TLE4: variants seen among roughly 807,000 people sequenced by gnomAD.
The protein encoded by TLE4 is transducin-like enhancer protein 4.
A neutral mutation model predicts 92.8 loss-of-function variants in TLE4; 8 were observed. The observed-to-expected ratio is 0.09, with a 90% CI of 0.05 to 0.16. TLE4 has a LOEUF of 0.16. TLE4 is among the 10% of genes least tolerant of loss of function. The pLI is 1.00. For synonymous variants in TLE4, 371 were observed against 374.1 expected (o/e 0.99, Z 0.10); for missense variants, 675 against 997.6 (o/e 0.68, Z 4.36).
In TLE4 at chr9:79,703,356, G is replaced by A. The variant is rs113822364; in HGVS notation, c.610-1427G>A. On this transcript the variant is annotated intron_variant, in intron 8 of 19. Transcript: ENST00000376552. ...TTGCCATTCACCACTCAGCAGCATA[G>A]CGCAGCCCTCAGTCCAGCTCCCGCT... Among the ~76,000 whole-genome samples the A allele has an allele frequency of 3.7e-3, 570 of 152,282 alleles. 7 individuals are homozygous for A. The highest frequency in any genetic ancestry group is 0.013 in the African/African-American group (527 of 41,556).
chr9:79,704,745 T>C (rs1196027594), intron 8 of TLE4, 38 bp from the exon 9 acceptor site: 3 of 1,589,350 alleles, frequency 1.9e-6, no homozygotes, highest in African/African-American at 1.4e-5. Flanking sequence ...AAATAGATGA[T>C]AATTTCTCAA....
intron 4 of TLE4, among the ~76,000 whole-genome samples, chr9:79,609,022 A>G (rs1369530271): frequency 6.6e-6 from 1 of 152,102 alleles, no homozygotes; most frequent in Non-Finnish European, 1.5e-5. Context: ...AAAATTTGTT[A>G]TGTGATAAAG....
At chr9:79,698,160 G>A (rs926559289) in intron 8 of TLE4, among the ~76,000 whole-genome samples, 2 of 152,180 alleles carry the variant, frequency 1.3e-5, no homozygotes, top group African/African-American at 4.8e-5. Context: ...GAAGCTTAAA[G>A]AGGTTCATGA....
intron 4 of TLE4, among the ~76,000 whole-genome samples, chr9:79,586,312 A>G (rs769455039): frequency 1.3e-5 from 2 of 152,034 alleles, no homozygotes; most frequent in Non-Finnish European, 2.9e-5. Context: ...GCGGTGAGCC[A>G]AGATCGCGCC....
chr9:79,605,787 C>G (rs894772634), intron 4 of TLE4, among the ~76,000 whole-genome samples: 1 of 152,134 alleles, frequency 6.6e-6, no homozygotes, highest in African/African-American at 2.4e-5. Flanking sequence ...ATCCAGTTAA[C>G]TGAGCCGCAC....
intron 8 of TLE4, among the ~76,000 whole-genome samples, chr9:79,701,383 G>A (rs1266814242): frequency 6.6e-6 from 1 of 152,144 alleles, no homozygotes; most frequent in Non-Finnish European, 1.5e-5. Context: ...AAAGTATTTG[G>A]TTGTACATAT....
intron 8 of TLE4, among the ~76,000 whole-genome samples, chr9:79,683,887 G>T (rs758527127): frequency 6.6e-6 from 1 of 152,176 alleles, no homozygotes; most frequent in Non-Finnish European, 1.5e-5. Flanking sequence ...ATGATGAAAC[G>T]TGCAGAAATG....
intron 16 of TLE4, 126 bp downstream of exon 16, chr9:79,720,419 TGTGTGTAAA>T: frequency 2.7e-6 from 3 of 1,124,644 alleles, no homozygotes; most frequent in South Asian, 2.2e-5. Flanking sequence ...TGTGTGTGTG[TGTGTGTAAA>T]GTGATATAAT....
chr9:79,718,706 C>G lies in TLE4; in HGVS notation c.1341-16C>G. 1 of 1,587,028 alleles carries G rather than the reference C, an allele frequency of 6.3e-7. No homozygotes were observed. The highest frequency in any genetic ancestry group is 1.1e-5 in the South Asian group (1 of 88,998). Reference sequence around the variant, plus strand: ...TTTACATTCCCCTCTTTCTTTTTTCCTCTCCATTGCCTTAGAGCATACTCC... The same window carrying G: ...TTTACATTCCCCTCTTTCTTTTTTCGTCTCCATTGCCTTAGAGCATACTCC... On this transcript the variant is annotated splice_polypyrimidine_tract_variant and intron_variant, in intron 14 of 19. Transcript: ENST00000376552.
Position 79,705,462 on chromosome 9 carries a change from A to G in TLE4, c.730-427A>G, listed in dbSNP as rs904488338. ...TGCTCTGCTTCCCTGCTGGTGTCCT[A>G]CAGGGCCGCAGGCCTCATGAAAAGC... On this transcript the variant is annotated intron_variant, in intron 9 of 19. Coordinates refer to ENST00000376552, the MANE Select transcript of TLE4 (RefSeq NM_007005.6). Among the ~76,000 whole-genome samples the G allele has an allele frequency of 2.6e-5, 4 of 152,310 alleles. No individual in the cohort carries two copies. In the East Asian group the frequency reaches 5.8e-4, roughly 22 times the overall value.
chr9:79,624,951 AC>A, intron 5 of TLE4, among the ~76,000 whole-genome samples: 1 of 151,108 alleles, frequency 6.6e-6, no homozygotes, highest in African/African-American at 2.4e-5. Flanking sequence ...GTTGGATGTG[AC>A]TTAAGTGTGG....
chr9:79,577,828 A>G (rs1336048096), intron 4 of TLE4, among the ~76,000 whole-genome samples: 3 of 152,164 alleles, frequency 2.0e-5, no homozygotes, highest in East Asian at 1.9e-4. Context: ...TCTAAGAGGC[A>G]CATAGCTTGT....
intron 6 of TLE4, among the ~76,000 whole-genome samples, chr9:79,643,798 G>A (rs970784165): frequency 2.6e-5 from 4 of 152,156 alleles, no homozygotes; most frequent in South Asian, 2.1e-4. Context: ...TTGTAATATC[G>A]ATGGTTGAGT....
chr9:79,657,297 C>T (rs978528203), intron 8 of TLE4, among the ~76,000 whole-genome samples: 2 of 152,154 alleles, frequency 1.3e-5, no homozygotes, highest in Non-Finnish European at 2.9e-5. Context: ...GGCAGAAAGC[C>T]CAAATTTATC....
At chr9:79,689,510 C>T (rs1414439805) in intron 8 of TLE4, among the ~76,000 whole-genome samples, 1 of 152,122 alleles carries the variant, frequency 6.6e-6, no homozygotes, top group African/African-American at 2.4e-5. Context: ...AATTATGGCA[C>T]TCAAAATACA....
At chr9:79,573,144 G>T (rs1000210733) in intron 1 of TLE4, 59 of 728,822 alleles carry the variant, frequency 8.1e-5, no homozygotes, top group Non-Finnish European at 1.1e-4. Context: ...GAGCGATGAA[G>T]GAGGCGCGAC....
intron 5 of TLE4, among the ~76,000 whole-genome samples, chr9:79,623,792 T>C (rs184528069): frequency 6.6e-6 from 1 of 151,266 alleles, no homozygotes; most frequent in Non-Finnish European, 1.5e-5. Flanking sequence ...CTCTTCAAAA[T>C]CCCAGTTAGA....
At chr9:79,707,075 A>G in intron 11 of TLE4, 176 bp downstream of exon 11, 1 of 1,598,138 alleles carries the variant, frequency 6.3e-7, no homozygotes, top group Non-Finnish European at 8.6e-7. Flanking sequence ...AAGTTTACTA[A>G]CTTGTTGGTG....
chr9:79,579,312 G>C (rs1005391210), intron 4 of TLE4, among the ~76,000 whole-genome samples: 3 of 152,210 alleles, frequency 2.0e-5, no homozygotes, highest in Admixed American at 2.0e-4. Context: ...ACTAAATGCT[G>C]CTTCTTCCCA....
Sources: gnomAD v4.1 joint callset for allele counts (sites outside exome capture counted in the v4.1 genomes callset) on GRCh38, gnomAD v4.1.1 for gene constraint, MANE v1.5 for transcripts, NCBI Gene and HGNC (gene_info 2026-07-23, HGNC 2026-07-21) for gene names.